ESRRG: variants seen among roughly 807,000 people sequenced by gnomAD.
ESRRG encodes estrogen-related receptor gamma.
ESRRG carries 13 observed loss-of-function variants against 44.0 expected under a neutral mutation model. The observed-to-expected ratio is 0.30, with a 90% CI of 0.19 to 0.47. The LOEUF (loss-of-function observed/expected upper bound fraction) is 0.47, where lower values mean the gene tolerates loss of function less well. Among genes scored for constraint, ESRRG ranks in the 20% least tolerant of loss-of-function variants. The pLI is 1.00. For synonymous variants in ESRRG, 215 were observed against 214.6 expected (o/e 1.00, Z -0.02); for missense variants, 395 against 580.6 (o/e 0.68, Z 3.29).
intron 2 of ESRRG, among the ~76,000 whole-genome samples, chr1:216,793,382 T>A (rs538862974): frequency 3.0e-4 from 45 of 152,296 alleles, no homozygotes; most frequent in Middle Eastern, 3.4e-3. Flanking sequence ...TAAAAGACAC[T>A]GCAACTTCTG....
chr1:217,126,437 T>C (rs944077623), intron 1 of ESRRG, among the ~76,000 whole-genome samples: 2 of 152,158 alleles, frequency 1.3e-5, no homozygotes, highest in African/African-American at 4.8e-5. Context: ...ATAAAATGCC[T>C]GAACCAACTG....
In ESRRG at chr1:216,545,303, T is replaced by G. The variant is rs185820929; in HGVS notation, c.862+18916A>C. 4.7e-3 allele frequency among the ~76,000 whole-genome samples: 717 copies of G among 151,796 alleles called. 6 individuals carry two copies. The highest frequency in any genetic ancestry group is 0.016 in the African/African-American group (675 of 41,444). On this transcript the variant is annotated intron_variant, in intron 5 of 6. Coordinates refer to ENST00000408911, the MANE Select transcript of ESRRG (RefSeq NM_001438.4). Reference sequence around the variant, plus strand: ...GTCTTAAACTCCTGGCTTTAAGGGATCCTTCTGCCTCTGTCTCCCAAACTG... The same window carrying G: ...GTCTTAAACTCCTGGCTTTAAGGGAGCCTTCTGCCTCTGTCTCCCAAACTG...
At chr1:216,579,160 T>A (rs1313897764) in intron 3 of ESRRG, among the ~76,000 whole-genome samples, 1 of 152,160 alleles carries the variant, frequency 6.6e-6, no homozygotes, top group Non-Finnish European at 1.5e-5. Flanking sequence ...TTCAGTAAGA[T>A]GACTATAAAT....
At chr1:216,807,482 T>C (rs1329765128) in intron 2 of ESRRG, among the ~76,000 whole-genome samples, 1 of 152,162 alleles carries the variant, frequency 6.6e-6, no homozygotes, top group Admixed American at 6.6e-5. Context: ...GTTTCTTTTA[T>C]TTCTGATATA....
In ESRRG at chr1:216,503,341, G is replaced by A. The variant is rs1001684356; in HGVS notation, c.*3598C>T. ...CACATCTGAACTGATTGGAGTTACA[G>A]AATCATATCTCCTTTTTGCATTTAA... On this transcript the variant is annotated 3_prime_UTR_variant, in exon 7 of 7. Transcript: ENST00000408911. The A allele has an allele frequency of 1.3e-5, 2 of 152,332 alleles. No homozygotes were observed. Among genetic ancestry groups the A allele is most frequent in the Non-Finnish European group, 2.9e-5 (2 of 67,980 alleles). 9.4% of individuals were successfully genotyped at this position (152,332 alleles called of 1,614,324 possible). A position where few individuals can be genotyped will look rare whatever the true frequency, so the allele number is the denominator to read the frequency against.
intron 3 of ESRRG, among the ~76,000 whole-genome samples, chr1:216,647,696 T>G (rs991148631): frequency 1.3e-5 from 2 of 152,176 alleles, no homozygotes; most frequent in Non-Finnish European, 2.9e-5. Context: ...GATGCCATAA[T>G]TAATAGAAAT....
At chr1:216,806,621 CA>C (rs1559710843) in intron 2 of ESRRG, among the ~76,000 whole-genome samples, 1 of 152,166 alleles carries the variant, frequency 6.6e-6, no homozygotes, top group African/African-American at 2.4e-5. Context: ...GTGCAGGCTG[CA>C]ATACCATTCA....
chr1:216,552,583 C>G (rs566652431), intron 5 of ESRRG, among the ~76,000 whole-genome samples: 48 of 152,266 alleles, frequency 3.2e-4, no homozygotes, highest in African/African-American at 1.1e-3. Context: ...GTATTGCTAA[C>G]CCCAACTTAT....
chr1:217,081,221 C>CTTT (rs143325476), intron 1 of ESRRG, among the ~76,000 whole-genome samples: 10,859 of 69,462 alleles, frequency 0.16, 2,615 homozygotes, highest in South Asian at 0.28. Context: ...TAAAAATATT[C>CTTT]TTTTTTTTTT....
At chr1:216,817,438 G>A (rs943311507) in intron 2 of ESRRG, among the ~76,000 whole-genome samples, 1 of 152,108 alleles carries the variant, frequency 6.6e-6, no homozygotes, top group Non-Finnish European at 1.5e-5. Context: ...TGTAAAATGG[G>A]TTTATAGGTC....
intron 1 of ESRRG, among the ~76,000 whole-genome samples, chr1:217,004,558 T>A (rs1253598101): frequency 6.6e-6 from 1 of 152,186 alleles, no homozygotes; most frequent in Non-Finnish European, 1.5e-5. Flanking sequence ...ATATCCAGTA[T>A]GTCTTTATTA....
At chr1:217,060,875 G>C (rs1156610044) in intron 1 of ESRRG, among the ~76,000 whole-genome samples, 1 of 151,886 alleles carries the variant, frequency 6.6e-6, no homozygotes, top group East Asian at 1.9e-4. Flanking sequence ...GTGCCTGAAA[G>C]CTCAAAACAA....
At chr1:216,675,132 G>A (rs12727909) in intron 2 of ESRRG, among the ~76,000 whole-genome samples, 20 of 151,928 alleles carry the variant, frequency 1.3e-4, no homozygotes, top group South Asian at 6.2e-4. Flanking sequence ...AGGCTGAGGC[G>A]GGTGGATCAC....
At chr1:216,912,454 G>T (rs1278970995) in intron 2 of ESRRG, among the ~76,000 whole-genome samples, 1 of 152,078 alleles carries the variant, frequency 6.6e-6, no homozygotes, top group African/African-American at 2.4e-5. Flanking sequence ...TCAAATGTAG[G>T]CCTGTGTAAT....
intron 2 of ESRRG, among the ~76,000 whole-genome samples, chr1:216,741,787 T>C (rs540622540): frequency 1.3e-5 from 2 of 152,280 alleles, no homozygotes; most frequent in Admixed American, 6.5e-5. Flanking sequence ...TGCAACCCTC[T>C]TGATGTCAAA....
Position 216,508,624 on chromosome 1 carries a change from T to C in ESRRG, c.1133-1441A>G, listed in dbSNP as rs79946378. ...CTCTCCAGTCTGGTTCCTCTCAGCA[T>C]GGCAATCTCATCCACCTCCTATGGT... On this transcript the variant is annotated intron_variant, in intron 6 of 6. Transcript: ENST00000408911. 1.6e-3 allele frequency among the ~76,000 whole-genome samples: 237 copies of C among 152,314 alleles called. 3 individuals are homozygous for C. The highest frequency in any genetic ancestry group is 2.9e-3 in the Non-Finnish European group (195 of 68,024).
At chr1:216,812,053 T>A (rs188899009) in intron 2 of ESRRG, among the ~76,000 whole-genome samples, 307 of 152,312 alleles carry the variant, frequency 2.0e-3, no homozygotes, top group African/African-American at 6.7e-3. Context: ...TTATCCATTA[T>A]ATGATCAAAG....
chr1:216,899,699 C>A (rs1264563277), intron 2 of ESRRG, among the ~76,000 whole-genome samples: 3 of 152,142 alleles, frequency 2.0e-5, no homozygotes. Flanking sequence ...ACAGATCTCA[C>A]ACGGCACATA....
intron 5 of ESRRG, among the ~76,000 whole-genome samples, chr1:216,524,665 T>C (rs1160849852): frequency 2.0e-5 from 3 of 152,154 alleles, no homozygotes; most frequent in East Asian, 3.9e-4. Context: ...AAGAAATCTA[T>C]TTCTTTATCT....
Sources: allele counts gnomAD v4.1 joint callset (sites outside exome capture counted in the v4.1 genomes callset), GRCh38; gene constraint gnomAD v4.1.1; transcripts MANE v1.5; gene names NCBI Gene and HGNC (gene_info 2026-07-23, HGNC 2026-07-21).